The following SLC7A11 variants were observed in gnomAD, a reference collection of about 807,000 sequenced individuals.
SLC7A11 encodes the protein solute carrier family 7 member 11.
A neutral mutation model predicts 54.5 loss-of-function variants in SLC7A11; 35 were observed. The ratio of observed to expected loss-of-function variants is 0.64; its 90% CI spans 0.49 to 0.85. The LOEUF (loss-of-function observed/expected upper bound fraction) is 0.85. SLC7A11 is among the 40% of genes least tolerant of loss of function. The probability of loss-of-function intolerance (pLI) is 0.00; values close to 1 mark genes in which losing one functional copy is unlikely to be tolerated. For missense variants in SLC7A11, 583 were observed against 618.1 expected (o/e 0.94, Z 0.60); for synonymous variants, 230 against 225.2 (o/e 1.02, Z -0.19).
At chr4:138,211,876 A>G (rs1737558730) in intron 6 of SLC7A11, among the ~76,000 whole-genome samples, 1 of 151,942 alleles carries the variant, frequency 6.6e-6, no homozygotes, top group African/African-American at 2.4e-5. Flanking sequence ...TACCTAGGTT[A>G]TAAAGTATAA....
Position 138,169,509 on chromosome 4 carries a change from A to G in SLC7A11, c.*2447T>C, listed in dbSNP as rs745804671. ...AAAATGAGAAAGAATAATTCTAGTT[A>G]CCTTTTAAATTGATACTTTTAAAGA... On this transcript the variant is annotated 3_prime_UTR_variant, in exon 12 of 12. Coordinates refer to ENST00000280612, the MANE Select transcript of SLC7A11 (RefSeq NM_014331.4). The G allele has an allele frequency of 5.3e-5, 8 of 152,124 alleles. No homozygotes were observed. Among genetic ancestry groups the G allele is most frequent in the Non-Finnish European group, 1.0e-4 (7 of 68,010 alleles). 9.4% of individuals were successfully genotyped at this position (152,124 alleles called of 1,614,324 possible).
In SLC7A11 at chr4:138,185,202, G is replaced by GTGACAAT. The variant is rs758071159; in HGVS notation, c.833_834insATTGTCA (p.Ile279LeufsTer17). 5.0e-6 allele frequency: 8 copies of GTGACAAT among 1,612,778 alleles called. No homozygotes were observed. The South Asian group carries it at 8.8e-5, about 18-fold the overall frequency. On this transcript the variant is annotated frameshift_variant, in exon 7 of 12. Coordinates refer to ENST00000280612, the MANE Select transcript of SLC7A11 (RefSeq NM_014331.4). LOFTEE classifies it high-confidence loss of function. ...CCACATTTGTCAGCACATAGCCAAT[G>GTGACAAT]GTGACAATGGCCATGGATATACATA...
intron 7 of SLC7A11, among the ~76,000 whole-genome samples, chr4:138,184,341 T>C (rs879392509): frequency 2.0e-5 from 3 of 152,142 alleles, no homozygotes; most frequent in Non-Finnish European, 4.4e-5. Context: ...GGAACTGACA[T>C]CAAGTAATGG....
At chr4:138,190,047 T>C (rs1256486062) in intron 6 of SLC7A11, among the ~76,000 whole-genome samples, 1 of 152,172 alleles carries the variant, frequency 6.6e-6, no homozygotes, top group African/African-American at 2.4e-5. Context: ...CTCCCCTCTG[T>C]TGGACACATA....
At chr4:138,187,058 C>T (rs1023462585) in intron 6 of SLC7A11, among the ~76,000 whole-genome samples, 14 of 152,116 alleles carry the variant, frequency 9.2e-5, no homozygotes, top group South Asian at 8.3e-4. Flanking sequence ...ACAGAGAGTA[C>T]GGTCACATCA....
chr4:138,200,796 A>G (rs896444399), intron 6 of SLC7A11, among the ~76,000 whole-genome samples: 2 of 152,162 alleles, frequency 1.3e-5, no homozygotes, highest in African/African-American at 2.4e-5. Flanking sequence ...TGTGGTTTTA[A>G]TTATGACAAT....
At position 138,241,785 on chromosome 4, in the gene SLC7A11, G is replaced by A. The variant is rs200269415; in HGVS notation, c.277+8C>T. 6.2e-7 allele frequency: 1 copy of A among 1,600,620 alleles called. No individual in the cohort carries two copies. The highest frequency in any genetic ancestry group is 8.6e-7 in the Non-Finnish European group (1 of 1,168,428). ...CCACGCCCCCACGAGAGAAAAAGTC[G>A]CACTCACCAAATAGTGACAGGACCC... On this transcript the variant is annotated splice_region_variant and intron_variant, in intron 1 of 11. Coordinates refer to ENST00000280612, the MANE Select transcript of SLC7A11 (RefSeq NM_014331.4).
intron 8 of SLC7A11, among the ~76,000 whole-genome samples, 177 bp from the exon 9 acceptor site, chr4:138,182,570 T>TTGGA (rs1736773225): frequency 6.6e-6 from 1 of 152,114 alleles, no homozygotes; most frequent in Non-Finnish European, 1.5e-5. Context: ...AAATCTAAAT[T>TTGGA]TGGATTTTAC....
chr4:138,174,504 C>T (rs1481893072), intron 11 of SLC7A11: 2 of 152,202 alleles, frequency 1.3e-5, no homozygotes, highest in Admixed American at 1.3e-4. Flanking sequence ...ATGAAGGCTT[C>T]TGCAGAGTAA....
chr4:138,239,633 C>T (rs1470718785), intron 1 of SLC7A11, among the ~76,000 whole-genome samples: 1 of 152,082 alleles, frequency 6.6e-6, no homozygotes, highest in Non-Finnish European at 1.5e-5. Context: ...AATACCAACT[C>T]AAGTGTAATG....
At position 138,185,257 on chromosome 4, in the gene SLC7A11, A is replaced by G; in HGVS notation, c.792-13T>C. ...AAGGGGAATGGTTCTGAAATGCACA[A>G]AGGAATCACTTATTCATTATCTTTT... On this transcript the variant is annotated splice_polypyrimidine_tract_variant and intron_variant, in intron 6 of 11. Coordinates refer to ENST00000280612, the MANE Select transcript of SLC7A11 (RefSeq NM_014331.4). 1 of 1,611,742 alleles carries G rather than the reference A, an allele frequency of 6.2e-7. No individual in the cohort carries two copies. The highest frequency in any genetic ancestry group is 8.5e-7 in the Non-Finnish European group (1 of 1,178,276).
At chr4:138,172,088 T>C (rs1736440883) in intron 11 of SLC7A11, 71 bp from the exon 12 acceptor site, 5 of 1,460,656 alleles carry the variant, frequency 3.4e-6, no homozygotes, top group Non-Finnish European at 2.8e-6. Context: ...AAAATATGAA[T>C]TATTTTGGGT....
chr4:138,196,067 A>G (rs1420571617), intron 6 of SLC7A11, among the ~76,000 whole-genome samples: 1 of 152,202 alleles, frequency 6.6e-6, no homozygotes, highest in Non-Finnish European at 1.5e-5. Flanking sequence ...TAACAGAGAA[A>G]GGAAATGTTT....
Position 138,214,629 on chromosome 4 carries a change from C to T in SLC7A11, c.747G>A (p.Trp249Ter), listed in dbSNP as rs955216926. ...FYYGMYAYAG[W>*]FYLNFVTEEV... ...CTTCAGTAACAAAGTTGAGGTAAAA[C>T]CTAAAAATAGATAAATAAATTATAA... The change falls in exon 6 of 12, where the codon TGG becomes TGA. Residue 249 changes from tryptophan to a stop codon, truncating the protein, a stop_gained and splice_region_variant. Transcript: ENST00000280612. LOFTEE classifies it high-confidence loss of function. 1.6e-6 allele frequency: 2 copies of T among 1,285,448 alleles called. No individual in the cohort carries two copies. Among genetic ancestry groups the T allele is most frequent in the African/African-American group, 1.5e-5 (1 of 64,868 alleles). The allele number at this position is 1,285,448 out of a possible 1,614,324, so 79.6% of individuals were successfully genotyped here.
intron 6 of SLC7A11, among the ~76,000 whole-genome samples, chr4:138,196,055 C>T (rs1737124369): frequency 6.6e-6 from 1 of 152,026 alleles, no homozygotes; most frequent in South Asian, 2.1e-4. Context: ...TAAGAGGCAG[C>T]TTAACAGAGA....
rs1736325617 is a variant in SLC7A11, at chr4:138,168,483, CAAGAT to C, written c.*3468_*3472del. On this transcript the variant is annotated 3_prime_UTR_variant, in exon 12 of 12. Transcript: ENST00000280612. ...CTTAGCAGTATATTCATCTGCAAAT[CAAGAT>C]AAAATAATGATTTTCCTGTAGACTG... 1 of 152,080 alleles carries C rather than the reference CAAGAT, an allele frequency of 6.6e-6. No homozygotes were observed. Among genetic ancestry groups the C allele is most frequent in the Non-Finnish European group, 1.5e-5 (1 of 68,012 alleles). The allele number at this position is 152,080 out of a possible 1,614,324, so 9.4% of individuals were successfully genotyped here.
chr4:138,225,150 A>ATATATG (rs894965467), intron 3 of SLC7A11, among the ~76,000 whole-genome samples: 1 of 140,402 alleles, frequency 7.1e-6, no homozygotes, highest in African/African-American at 2.8e-5. Context: ...ATATATATAT[A>ATATATG]TATATATATA....
intron 6 of SLC7A11, among the ~76,000 whole-genome samples, chr4:138,194,463 T>C (rs1737084041): frequency 6.6e-6 from 1 of 152,180 alleles, no homozygotes; most frequent in Non-Finnish European, 1.5e-5. Flanking sequence ...TTTAGGAACA[T>C]TTTTCTCAAG....
intron 6 of SLC7A11, among the ~76,000 whole-genome samples, chr4:138,189,089 G>A (rs778317003): frequency 1.4e-4 from 21 of 152,056 alleles, no homozygotes; most frequent in Non-Finnish European, 2.5e-4. Flanking sequence ...ACCAGTCTAC[G>A]TCACACATAC....
Sources: allele counts gnomAD v4.1 joint callset (sites outside exome capture counted in the v4.1 genomes callset), GRCh38; gene constraint gnomAD v4.1.1; transcripts MANE v1.5; gene names NCBI Gene and HGNC (gene_info 2026-07-23, HGNC 2026-07-21).